DSCAM: variants seen among roughly 807,000 people sequenced by gnomAD.
DSCAM encodes the protein DS cell adhesion molecule.
Under a neutral mutation model 217.7 loss-of-function variants are expected in DSCAM, and 47 were observed. The ratio of observed to expected loss-of-function variants is 0.22; its 90% confidence interval spans 0.17 to 0.28. The LOEUF (loss-of-function observed/expected upper bound fraction) is 0.28. Ranked by LOEUF, DSCAM falls within the 10% of genes least tolerant of loss-of-function variation. DSCAM has a pLI of 1.00. For missense variants in DSCAM, 2,080 were observed against 2,618.3 expected (o/e 0.79, Z 4.49); for synonymous variants, 1,056 against 1,015.3 (o/e 1.04, Z -0.76).
chr21:40,152,005 G>A (rs973033006), intron 16 of DSCAM, among the ~76,000 whole-genome samples: 2 of 152,038 alleles, frequency 1.3e-5, no homozygotes, highest in African/African-American at 2.4e-5. Context: ...TCAGCCAGCC[G>A]GTGGGTTACA....
intron 3 of DSCAM, among the ~76,000 whole-genome samples, chr21:40,616,434 A>C (rs2089394865): frequency 2.6e-5 from 4 of 152,166 alleles, no homozygotes; most frequent in African/African-American, 9.7e-5. Context: ...TCCTGGAAAT[A>C]GGTGCCTGTG....
chr21:40,342,531 T>G (rs147295391), intron 6 of DSCAM, among the ~76,000 whole-genome samples: 8 of 150,930 alleles, frequency 5.3e-5, no homozygotes, highest in Middle Eastern at 3.4e-3. Context: ...ATGTAGGGAT[T>G]AATACTCATT....
rs1349511798 is a variant in DSCAM at position 40,013,188 on chromosome 21, G to A, written c.5885C>T (p.Ser1962Leu). The A allele has an allele frequency of 1.2e-6, 2 of 1,613,638 alleles. No homozygotes were observed. The highest frequency in any genetic ancestry group is 1.7e-5 in the Admixed American group (1 of 59,954). Reference sequence around the variant, plus strand: ...TGTGGCCACGGCCCCCGGCTGCCACGACTGTCCTTCTCTCGTGGAGGAGGC... The same window carrying A: ...TGTGGCCACGGCCCCCGGCTGCCACAACTGTCCTTCTCTCGTGGAGGAGGC... ...SSASSTREGQ[S>L]WQPGAVATLP... The change falls in exon 33 of 33, where the codon TCG becomes TTG. Residue 1962 changes from serine (S) to leucine (L), a missense_variant. Ser to Leu is a moderately radical substitution (Grantham distance 145). This residue lies in a region of DSCAM where 145 missense variants were observed against 138.5 expected (regional missense o/e 1.05). Transcript: ENST00000400454.
At chr21:40,265,483 T>TA (rs200672500) in intron 11 of DSCAM, among the ~76,000 whole-genome samples, 1,968 of 141,126 alleles carry the variant, frequency 0.014, 16 homozygotes, top group Middle Eastern at 0.033. Context: ...TTTCACAAAA[T>TA]AAAAAAAAAA....
At chr21:40,306,072 G>A (rs2074071926) in intron 9 of DSCAM, among the ~76,000 whole-genome samples, 1 of 151,912 alleles carries the variant, frequency 6.6e-6, no homozygotes, top group Admixed American at 6.6e-5. Context: ...TCCTACCCAT[G>A]AGCATGGAAT....
At chr21:40,470,354 G>A (rs995354844) in intron 3 of DSCAM, among the ~76,000 whole-genome samples, 7 of 152,166 alleles carry the variant, frequency 4.6e-5, no homozygotes, top group African/African-American at 1.2e-4. Flanking sequence ...TGTATGCCAC[G>A]GAAACGTGGC....
chr21:40,160,687 G>C (rs1362417426), intron 16 of DSCAM, among the ~76,000 whole-genome samples: 1 of 152,172 alleles, frequency 6.6e-6, no homozygotes, highest in Non-Finnish European at 1.5e-5. Flanking sequence ...TACCCCTTTA[G>C]TTGCAACCTT....
intron 3 of DSCAM, among the ~76,000 whole-genome samples, chr21:40,431,853 T>C (rs1038633877): frequency 7.2e-5 from 11 of 152,194 alleles, no homozygotes; most frequent in Non-Finnish European, 1.3e-4. Flanking sequence ...GCTATTGTAA[T>C]GGATTGCCAC....
chr21:40,559,519 A>G (rs770240556), intron 3 of DSCAM, among the ~76,000 whole-genome samples: 2 of 151,950 alleles, frequency 1.3e-5, no homozygotes, highest in Non-Finnish European at 2.9e-5. Flanking sequence ...TAGGAGGTTA[A>G]GAGAAACAGC....
At chr21:40,627,188 A>G (rs1318951362) in intron 3 of DSCAM, among the ~76,000 whole-genome samples, 1 of 152,240 alleles carries the variant, frequency 6.6e-6, no homozygotes, top group East Asian at 1.9e-4. Context: ...GAATGGACAA[A>G]TAACTCTAAT....
intron 16 of DSCAM, among the ~76,000 whole-genome samples, chr21:40,147,301 C>A (rs974758075): frequency 1.2e-4 from 19 of 152,160 alleles, no homozygotes; most frequent in African/African-American, 4.6e-4. Context: ...ACATGTAGTT[C>A]CTCCAGTTTG....
At chr21:40,756,955 A>G (rs4816695) in intron 1 of DSCAM, among the ~76,000 whole-genome samples, 110,333 of 151,594 alleles carry the variant, frequency 0.73, 40,780 homozygotes, top group African/African-American at 0.85. Context: ...AGCCTGTAAG[A>G]AAGATTGCCC....
intron 3 of DSCAM, among the ~76,000 whole-genome samples, chr21:40,425,000 A>T (rs2075458387): frequency 6.6e-6 from 1 of 152,122 alleles, no homozygotes; most frequent in Non-Finnish European, 1.5e-5. Flanking sequence ...CTGGAGGCTG[A>T]GGCACAAGGA....
chr21:40,343,813 GTTATT>G (rs1356415338), intron 6 of DSCAM, among the ~76,000 whole-genome samples: 3 of 141,668 alleles, frequency 2.1e-5, no homozygotes, highest in African/African-American at 7.6e-5. Context: ...ATAATAAAGT[GTTATT>G]TTATTTTACT....
chr21:40,565,910 C>A (rs1056679709), intron 3 of DSCAM, among the ~76,000 whole-genome samples: 1 of 152,120 alleles, frequency 6.6e-6, no homozygotes, highest in African/African-American at 2.4e-5. Context: ...CCAGCATGAA[C>A]GCATGAACCA....
chr21:40,234,860 T>A (rs1483852853), intron 11 of DSCAM, among the ~76,000 whole-genome samples: 2 of 152,074 alleles, frequency 1.3e-5, no homozygotes, highest in Non-Finnish European at 2.9e-5. Context: ...AAGCCCAGGG[T>A]AGAGGCAGGT....
chr21:40,692,796 G>A lies in DSCAM; in HGVS notation c.508+14C>T. The A allele has an allele frequency of 1.9e-6, 3 of 1,608,070 alleles. No individual in the cohort carries two copies. Among genetic ancestry groups the A allele is most frequent in the Non-Finnish European group, 2.6e-6 (3 of 1,174,932 alleles). On this transcript the variant is annotated intron_variant, in intron 3 of 32. Transcript: ENST00000400454. ...TGAGCGTGGTGTCCTGCACCCTGGA[G>A]ACGCAAAGCCTACCTGAGACAAGTG... is the stretch of plus-strand genomic sequence containing the variant.
chr21:40,018,848 G>C (rs547379353), intron 32 of DSCAM, among the ~76,000 whole-genome samples: 216 of 152,286 alleles, frequency 1.4e-3, no homozygotes, highest in African/African-American at 4.4e-3. Flanking sequence ...GTTTATTGCA[G>C]GTCTGACAAG....
chr21:40,050,505 C>T (rs2088912558), intron 30 of DSCAM, among the ~76,000 whole-genome samples: 1 of 149,594 alleles, frequency 6.7e-6, no homozygotes, highest in African/African-American at 2.5e-5. Flanking sequence ...TTTTTGGAGA[C>T]AGAGTCTCGC....
Sources: gnomAD v4.1 joint callset for allele counts (sites outside exome capture counted in the v4.1 genomes callset) on GRCh38, gnomAD v4.1.1 for gene constraint, gnomAD v4.1.1 regional missense constraint, MANE v1.5 for transcripts, NCBI Gene and HGNC (gene_info 2026-07-23, HGNC 2026-07-21) for gene names.